The following RASGRF1 variants were observed in gnomAD, a reference collection of about 807,000 sequenced individuals.
RASGRF1 encodes ras-specific guanine nucleotide-releasing factor 1.
A neutral mutation model predicts 138.7 loss-of-function variants in RASGRF1; 40 were observed. The observed-to-expected ratio is 0.29, with a 90% CI of 0.22 to 0.38. The LOEUF (loss-of-function observed/expected upper bound fraction) is 0.38. RASGRF1 is among the 10% of genes least tolerant of loss of function. The probability of loss-of-function intolerance (pLI) is 1.00; values close to 1 mark genes in which losing one functional copy is unlikely to be tolerated. For missense variants in RASGRF1, 1,108 were observed against 1,650.4 expected (o/e 0.67, Z 5.69); for synonymous variants, 614 against 663.2 (o/e 0.93, Z 1.14).
chr15:78,995,869 G>GCC, intron 19 of RASGRF1, 69 bp from the exon 20 acceptor site: 1 of 1,459,414 alleles, frequency 6.9e-7, no homozygotes, highest in South Asian at 1.1e-5. Context: ...AGCTCGGACA[G>GCC]CCCCACACGG....
At chr15:79,015,472 A>G in intron 12 of RASGRF1, 63 bp from the exon 13 acceptor site, 3 of 1,449,404 alleles carry the variant, frequency 2.1e-6, no homozygotes, top group Non-Finnish European at 1.9e-6. Context: ...GCCCACCAGG[A>G]GCTCTGCCAA....
intron 12 of RASGRF1, among the ~76,000 whole-genome samples, chr15:79,017,344 C>T (rs1261849032): frequency 6.6e-6 from 1 of 152,206 alleles, no homozygotes; most frequent in Non-Finnish European, 1.5e-5. Context: ...CGTTCTCTCG[C>T]TGTGAACATT....
intron 13 of RASGRF1, among the ~76,000 whole-genome samples, chr15:79,015,033 T>C (rs1485074582): frequency 1.3e-5 from 2 of 150,554 alleles, no homozygotes; most frequent in African/African-American, 4.9e-5. Flanking sequence ...CACCAAAATC[T>C]CACAAACCAC....
intron 1 of RASGRF1, among the ~76,000 whole-genome samples, chr15:79,068,164 G>C (rs1420859482): frequency 1.3e-5 from 2 of 152,218 alleles, no homozygotes; most frequent in African/African-American, 4.8e-5. Flanking sequence ...AGAGGGGGCT[G>C]AGGCTTGGAG....
chr15:79,062,576 C>T (rs2057622129), intron 2 of RASGRF1, among the ~76,000 whole-genome samples: 1 of 151,880 alleles, frequency 6.6e-6, no homozygotes, highest in Admixed American at 6.6e-5. Flanking sequence ...GCTCTGTTGC[C>T]CAGGCTGGAG....
At chr15:79,074,520 T>A (rs1362972793) in intron 1 of RASGRF1, among the ~76,000 whole-genome samples, 3 of 152,188 alleles carry the variant, frequency 2.0e-5, no homozygotes, top group Non-Finnish European at 4.4e-5. Context: ...GAGCTTCACC[T>A]GGGCGGGAGG....
At chr15:78,995,897 C>T (rs2056382228) in intron 19 of RASGRF1, 97 bp from the exon 20 acceptor site, 1 of 1,188,054 alleles carries the variant, frequency 8.4e-7, no homozygotes, top group South Asian at 1.2e-5. Flanking sequence ...TCTTACGCCC[C>T]TCTGTCCTCG....
At position 78,973,443 on chromosome 15, in the gene RASGRF1, A is replaced by C; in HGVS notation, c.3495-23T>G. 6.5e-7 allele frequency: 1 copy of C among 1,533,828 alleles called. No individual in the cohort carries two copies. The highest frequency in any genetic ancestry group is 9.0e-7 in the Non-Finnish European group (1 of 1,114,886). ...CAACTTGGAAGCAAACGGCATTAAC[A>C]CAAGTTTTTCATTTTAAAAAAGTAA... On this transcript the variant is annotated intron_variant, in intron 24 of 26. Transcript: ENST00000558480. The surrounding 1 kb of genome is among the most constrained non-coding windows in gnomAD (Gnocchi z 4.9).
chr15:79,063,887 C>G (rs1171408328), intron 2 of RASGRF1, among the ~76,000 whole-genome samples: 11 of 152,156 alleles, frequency 7.2e-5, no homozygotes, highest in Non-Finnish European at 1.6e-4. Context: ...ACCTATTGTC[C>G]TTTGGCTTTC....
At chr15:79,057,164 T>C (rs1423413151) in intron 3 of RASGRF1, among the ~76,000 whole-genome samples, 1 of 152,160 alleles carries the variant, frequency 6.6e-6, no homozygotes, top group Non-Finnish European at 1.5e-5. Context: ...TGGGCATAGG[T>C]GCAGGCTGGG....
At chr15:79,000,868 TA>T (rs1201818032) in intron 16 of RASGRF1, among the ~76,000 whole-genome samples, 1 of 152,234 alleles carries the variant, frequency 6.6e-6, no homozygotes, top group East Asian at 1.9e-4. Flanking sequence ...GTGACCCTGT[TA>T]CCTATTGGGT....
intron 4 of RASGRF1, among the ~76,000 whole-genome samples, 198 bp downstream of exon 4, chr15:79,049,298 T>C (rs2057397310): frequency 6.6e-6 from 1 of 151,982 alleles, no homozygotes; most frequent in African/African-American, 2.4e-5. Flanking sequence ...CTCTGCCCCA[T>C]AGGGACAACC....
chr15:79,049,105 G>T (rs894713871), intron 4 of RASGRF1, among the ~76,000 whole-genome samples: 1 of 152,136 alleles, frequency 6.6e-6, no homozygotes, highest in Non-Finnish European at 1.5e-5. Context: ...GCGTGTACAT[G>T]GCAGTGGGGG....
intron 8 of RASGRF1, among the ~76,000 whole-genome samples, chr15:79,029,985 G>A (rs772588411): frequency 2.4e-4 from 36 of 152,292 alleles, no homozygotes; most frequent in Admixed American, 3.9e-4. Context: ...CTTCTCCCTT[G>A]GGGAAGAGTG....
At chr15:78,980,750 C>T (rs773016378) in intron 23 of RASGRF1, 51 bp from the exon 24 acceptor site, 47 of 1,401,750 alleles carry the variant, frequency 3.4e-5, no homozygotes, top group South Asian at 7.4e-5. Flanking sequence ...CTGTGATCCC[C>T]GAGGCCCGGG....
chr15:78,964,162 A>G (rs895477661), intron 26 of RASGRF1, among the ~76,000 whole-genome samples: 10 of 151,744 alleles, frequency 6.6e-5, no homozygotes, highest in African/African-American at 2.4e-4. Context: ...TCTGAGGAGC[A>G]GTAATATTTA....
At chr15:78,988,737 G>C (rs1439598669) in intron 22 of RASGRF1, among the ~76,000 whole-genome samples, 3 of 152,122 alleles carry the variant, frequency 2.0e-5, no homozygotes, top group African/African-American at 7.2e-5. Flanking sequence ...TGAGGATGCT[G>C]AGTGCAACTG....
At chr15:78,995,491 G>A (rs2056372668) in intron 20 of RASGRF1, among the ~76,000 whole-genome samples, 1 of 152,064 alleles carries the variant, frequency 6.6e-6, no homozygotes, top group East Asian at 1.9e-4. Flanking sequence ...GTTTTACCAT[G>A]TTGGCCAGGC....
At chr15:78,980,425 C>T (rs1184364318) in intron 24 of RASGRF1, 195 bp downstream of exon 24, 1 of 449,952 alleles carries the variant, frequency 2.2e-6, no homozygotes, top group Admixed American at 3.7e-5. Context: ...GAAATGCTAG[C>T]AAACTCTGGA....
Sources: allele counts gnomAD v4.1 joint callset (sites outside exome capture counted in the v4.1 genomes callset), GRCh38; gene constraint gnomAD v4.1.1; non-coding constraint Gnocchi (gnomAD v3.1); transcripts MANE v1.5; gene names NCBI Gene and HGNC (gene_info 2026-07-23, HGNC 2026-07-21).